KCNJ15: variants seen among roughly 807,000 people sequenced by gnomAD.
KCNJ15 encodes the protein ATP-sensitive inward rectifier potassium channel 15.
KCNJ15 carries 14 observed loss-of-function variants against 23.0 expected under a neutral mutation model. The observed-to-expected ratio is 0.61, with a 90% CI of 0.40 to 0.95. The LOEUF (loss-of-function observed/expected upper bound fraction) is 0.95. KCNJ15 is among the 40% of genes least tolerant of loss of function. KCNJ15 has a pLI of 0.00. For missense variants in KCNJ15, 388 were observed against 461.8 expected, an observed-to-expected ratio of 0.84 and a Z score of 1.46; for synonymous variants, 185 against 183.2, an observed-to-expected ratio of 1.01 and a Z score of -0.08.
rs71184612 is a variant in KCNJ15, at chr21:38,288,030, G to GTTT, written c.-116-8870_-116-8868dup. 9.7e-4 allele frequency among the ~76,000 whole-genome samples: 79 copies of GTTT among 81,442 alleles called. 9 individuals carry two copies. The highest frequency in any genetic ancestry group is 1.3e-3 in the African/African-American group (25 of 19,898). The allele number at this position is 81,442 out of a possible 152,430, so 53.4% of individuals were successfully genotyped here. On this transcript the variant is annotated intron_variant, in intron 1 of 2. Coordinates refer to ENST00000398938, the MANE Select transcript of KCNJ15 (RefSeq NM_170736.3). ...TGTTAAATAACTTGTTTTTTTCTTT[G>GTTT]TTTTTTTTTTTTTTTTTTTTTTTTT...
chr21:38,250,151 T>C (rs1979723638), intron 1 of KCNJ15, among the ~76,000 whole-genome samples: 1 of 152,222 alleles, frequency 6.6e-6, no homozygotes, highest in Admixed American at 6.5e-5. Flanking sequence ...GGCACAATTT[T>C]GCAATGGGAA....
At chr21:38,233,798 C>G (rs1978425254) in intron 1 of KCNJ15, among the ~76,000 whole-genome samples, 1 of 151,954 alleles carries the variant, frequency 6.6e-6, no homozygotes, top group Non-Finnish European at 1.5e-5. Flanking sequence ...AATATAGACA[C>G]TTTACTCTTA....
chr21:38,305,105 A>G lies in KCNJ15; in HGVS notation c.*4716A>G, dbSNP rs1217557890. 4.6e-5 allele frequency: 7 copies of G among 151,310 alleles called. No homozygotes were observed. The highest frequency in any genetic ancestry group is 1.0e-4 in the Non-Finnish European group (7 of 68,080). The allele number at this position is 151,310 out of a possible 1,614,324, so 9.4% of individuals were successfully genotyped here. A position where few individuals can be genotyped will look rare whatever the true frequency, so the allele number is the denominator to read the frequency against. On this transcript the variant is annotated 3_prime_UTR_variant, in exon 3 of 3. Coordinates refer to ENST00000398938, the MANE Select transcript of KCNJ15 (RefSeq NM_170736.3). ...CAAAAAAAAAAAAAAAAAGAAAAAG[A>G]AAAAGAAAAGAAAAGAAAATAAACG...
chr21:38,273,987 G>A (rs770085285), intron 1 of KCNJ15, among the ~76,000 whole-genome samples: 3 of 152,192 alleles, frequency 2.0e-5, no homozygotes, highest in Admixed American at 6.5e-5. Flanking sequence ...GTTGATGAGC[G>A]TGCTGTGACC....
intron 1 of KCNJ15, among the ~76,000 whole-genome samples, chr21:38,242,515 A>G (rs936230087): frequency 1.7e-4 from 26 of 152,188 alleles, no homozygotes; most frequent in African/African-American, 5.5e-4. Context: ...TTTATCCAAC[A>G]TTGGAACCAT....
rs1166887055 is a variant in KCNJ15, at chr21:38,299,203, C to T, written c.-18-41C>T. The T allele has an allele frequency of 7.0e-7, 1 of 1,432,262 alleles. No individual in the cohort carries two copies. Among genetic ancestry groups the T allele is most frequent in the Non-Finnish European group, 9.6e-7 (1 of 1,045,020 alleles). The allele number at this position is 1,432,262 out of a possible 1,614,324, so 88.7% of individuals were successfully genotyped here. The stretch of plus-strand genomic sequence containing the variant: ...TGATTCTATTTTCTGGAAGTTCCAC[C>T]ACATATGGCGATAATGAAACATCTT... On this transcript the variant is annotated intron_variant, in intron 2 of 2. Coordinates refer to ENST00000398938, the MANE Select transcript of KCNJ15 (RefSeq NM_170736.3). The surrounding 1 kb of genome is among the most constrained non-coding windows in gnomAD (Gnocchi z 4.5).
chr21:38,255,919 G>A (rs1399220326), upstream of KCNJ15, among the ~76,000 whole-genome samples: 3 of 152,306 alleles, frequency 2.0e-5, no homozygotes, highest in South Asian at 4.1e-4. Flanking sequence ...GGCAGGGGAC[G>A]TGTGGGTATA....
chr21:38,282,826 C>T (rs1983497405), intron 1 of KCNJ15, among the ~76,000 whole-genome samples: 1 of 152,144 alleles, frequency 6.6e-6, no homozygotes, highest in Admixed American at 6.5e-5. Flanking sequence ...CTGATCATTA[C>T]AGCAGCACAG....
chr21:38,273,427 C>G (rs1003954923), intron 1 of KCNJ15, among the ~76,000 whole-genome samples: 2 of 152,222 alleles, frequency 1.3e-5, no homozygotes, highest in African/African-American at 4.8e-5. Context: ...TACTGTCATC[C>G]TAGTATTTGA....
chr21:38,273,297 G>T (rs1157635836), intron 1 of KCNJ15, among the ~76,000 whole-genome samples: 3 of 152,148 alleles, frequency 2.0e-5, no homozygotes. Context: ...ACCAAGGCCT[G>T]GTTAACTCTT....
chr21:38,247,940 T>C (rs1340028679), intron 1 of KCNJ15, among the ~76,000 whole-genome samples: 1 of 152,234 alleles, frequency 6.6e-6, no homozygotes, highest in Non-Finnish European at 1.5e-5. Flanking sequence ...GTGGGCTTCC[T>C]GTTAACTAAA....
intron 1 of KCNJ15, among the ~76,000 whole-genome samples, chr21:38,261,801 C>T (rs2836253): frequency 0.3 from 44,967 of 152,046 alleles, 8,032 homozygotes; most frequent in East Asian, 0.58. Flanking sequence ...TGCCACTAGA[C>T]CCTAGAATGG....
intron 1 of KCNJ15, chr21:38,238,679 T>G: frequency 2.0e-6 from 1 of 499,608 alleles, no homozygotes; most frequent in Non-Finnish European, 3.8e-6. Flanking sequence ...GACTGTAATG[T>G]TTTAAACTCT....
chr21:38,297,318 T>A (rs1985262718), intron 2 of KCNJ15, among the ~76,000 whole-genome samples: 1 of 152,156 alleles, frequency 6.6e-6, no homozygotes, highest in Admixed American at 6.5e-5. Context: ...GCTGCCCCTT[T>A]GAAAGAGAGT....
At chr21:38,294,078 T>A (rs191229705) in intron 1 of KCNJ15, among the ~76,000 whole-genome samples, 1 of 152,340 alleles carries the variant, frequency 6.6e-6, no homozygotes, top group East Asian at 1.9e-4. Flanking sequence ...TCAATTGTTT[T>A]AAGCCTCCTG....
chr21:38,277,610 A>C (rs986999631), intron 1 of KCNJ15, among the ~76,000 whole-genome samples: 1 of 152,186 alleles, frequency 6.6e-6, no homozygotes, highest in African/African-American at 2.4e-5. Flanking sequence ...TCATCTACCA[A>C]GTCATCTGCA....
rs566041159 is a variant in KCNJ15, at chr21:38,299,782, G to A, written c.521G>A (p.Arg174Gln). The change falls in exon 3 of 3, where the codon CGG (arginine) becomes CAG (glutamine). Residue 174 changes from arginine to glutamine, a missense_variant. Coordinates refer to ENST00000398938, the MANE Select transcript of KCNJ15 (RefSeq NM_170736.3). The surrounding 1 kb of genome is among the most constrained non-coding windows in gnomAD (Gnocchi z 4.5). ...GCCAAAATCGCCAGACCCAAAAAGC[G>A]GGCTGAGACCATCAAGTTCAGCCAC... ...FLAKIARPKK[R>Q]AETIKFSHCA... 6 of 1,614,060 alleles carry A rather than the reference G, an allele frequency of 3.7e-6. No individual in the cohort carries two copies. Among genetic ancestry groups the A allele is most frequent in the Admixed American group, 1.7e-5 (1 of 60,014 alleles).
chr21:38,270,635 A>G (rs1436602658), intron 1 of KCNJ15, among the ~76,000 whole-genome samples: 1 of 152,110 alleles, frequency 6.6e-6, no homozygotes, highest in Non-Finnish European at 1.5e-5. Context: ...CTTTCCCACT[A>G]TAGCATATTG....
At chr21:38,276,410 C>A (rs1743500367) in intron 1 of KCNJ15, among the ~76,000 whole-genome samples, 1 of 151,996 alleles carries the variant, frequency 6.6e-6, no homozygotes, top group African/African-American at 2.4e-5. Context: ...GTCATAATTT[C>A]AGTACTAAAT....
Sources: gnomAD v4.1 joint callset for allele counts (sites outside exome capture counted in the v4.1 genomes callset) on GRCh38, gnomAD v4.1.1 for gene constraint, Gnocchi (gnomAD v3.1) non-coding constraint, MANE v1.5 for transcripts, NCBI Gene and HGNC (gene_info 2026-07-23, HGNC 2026-07-21) for gene names.